Variants in POFUT3 observed in about 807,000 individuals in gnomAD.
POFUT3 encodes the protein GDP-fucose protein O-fucosyltransferase 3.
At chr8:33,449,087 A>G in the POFUT3 span, among the ~76,000 whole-genome samples, 5 of 152,158 alleles carry the variant, frequency 3.3e-5, no homozygotes, top group Admixed American at 2.6e-4. Flanking sequence ...AAGGTCATAC[A>G]GTATAAGACC....
the POFUT3 span, among the ~76,000 whole-genome samples, chr8:33,341,856 C>T: frequency 6.6e-6 from 1 of 152,026 alleles, no homozygotes; most frequent in Admixed American, 6.6e-5. Context: ...CCCAGGAGTT[C>T]AAGACCAGCC....
At chr8:33,436,372 T>A in the POFUT3 span, 1 of 1,376,712 alleles carries the variant, frequency 7.3e-7, no homozygotes, top group South Asian at 1.2e-5. Flanking sequence ...TCTTTCATGA[T>A]GTCACATTCA....
At chr8:33,422,057 C>A in the POFUT3 span, among the ~76,000 whole-genome samples, 3 of 151,366 alleles carry the variant, frequency 2.0e-5, no homozygotes, top group African/African-American at 4.9e-5. Flanking sequence ...CAAAAAAAAA[C>A]CCTGCTTTTC....
At chr8:33,335,919 G>T in the POFUT3 span, among the ~76,000 whole-genome samples, 1 of 152,094 alleles carries the variant, frequency 6.6e-6, no homozygotes, top group Admixed American at 6.6e-5. Flanking sequence ...GCTATATGGG[G>T]GTGGTAGAAG....
the POFUT3 span, among the ~76,000 whole-genome samples, chr8:33,377,089 G>A: frequency 0.021 from 3,216 of 152,186 alleles, 112 homozygotes; most frequent in African/African-American, 0.074. Context: ...CAAATTAGCT[G>A]GGCATGGTGG....
chr8:33,470,265 A>C, the POFUT3 span, among the ~76,000 whole-genome samples: 15 of 138,764 alleles, frequency 1.1e-4, no homozygotes, highest in Non-Finnish European at 2.2e-4. Context: ...AAAAAAAAAA[A>C]GTTAGCTGGG....
chr8:33,471,842 T>A, the POFUT3 span, among the ~76,000 whole-genome samples: 3 of 152,160 alleles, frequency 2.0e-5, no homozygotes, highest in Non-Finnish European at 4.4e-5. Context: ...CAAGAGTTAT[T>A]ACAGCAATTT....
the POFUT3 span, among the ~76,000 whole-genome samples, chr8:33,394,903 A>G: frequency 6.6e-6 from 1 of 152,240 alleles, no homozygotes; most frequent in Admixed American, 6.5e-5. Context: ...ACCCAGGTTC[A>G]TAAAGAGCAC....
the POFUT3 span, among the ~76,000 whole-genome samples, chr8:33,314,505 T>C: frequency 6.6e-6 from 1 of 152,182 alleles, no homozygotes; most frequent in Non-Finnish European, 1.5e-5. Flanking sequence ...CTGTTTCCCC[T>C]CTGTTAAATG....
the POFUT3 span, among the ~76,000 whole-genome samples, chr8:33,419,727 G>A: frequency 6.6e-6 from 1 of 152,132 alleles, no homozygotes; most frequent in Admixed American, 6.5e-5. Context: ...AAGGAGGATG[G>A]GGACTGCAGA....
At chr8:33,451,066 A>ATG in the POFUT3 span, among the ~76,000 whole-genome samples, 4,853 of 148,058 alleles carry the variant, frequency 0.033, 215 homozygotes, top group African/African-American at 0.1. Context: ...AAGGAGGTGT[A>ATG]TGTGTGTGTG....
At chr8:33,462,981 C>T in the POFUT3 span, among the ~76,000 whole-genome samples, 3 of 151,870 alleles carry the variant, frequency 2.0e-5, no homozygotes, top group Admixed American at 2.0e-4. Flanking sequence ...CCCTTTATCC[C>T]TATGATATTC....
the POFUT3 span, among the ~76,000 whole-genome samples, chr8:33,317,399 C>A: frequency 1.3e-5 from 2 of 151,902 alleles, no homozygotes; most frequent in Admixed American, 1.3e-4. Context: ...CTCAACGTTC[C>A]TTTCTGCTGA....
the POFUT3 span, among the ~76,000 whole-genome samples, chr8:33,446,441 G>A: frequency 6.5e-5 from 9 of 139,076 alleles, no homozygotes; most frequent in African/African-American, 2.3e-4. Flanking sequence ...TGGGTGACAA[G>A]GCAAGATCCT....
the POFUT3 span, among the ~76,000 whole-genome samples, chr8:33,355,559 G>C: frequency 6.6e-6 from 1 of 152,076 alleles, no homozygotes; most frequent in Non-Finnish European, 1.5e-5. Flanking sequence ...AACCAACTTG[G>C]GTTTGAAATT....
At chr8:33,339,639 T>C in the POFUT3 span, among the ~76,000 whole-genome samples, 4 of 152,132 alleles carry the variant, frequency 2.6e-5, no homozygotes, top group Non-Finnish European at 5.9e-5. Flanking sequence ...ATGATTAAAC[T>C]TCTTAAAACT....
At chr8:33,451,476 GTA>G in the POFUT3 span, among the ~76,000 whole-genome samples, 2 of 151,508 alleles carry the variant, frequency 1.3e-5, no homozygotes, top group South Asian at 4.2e-4. Flanking sequence ...ATATGTGTGT[GTA>G]TATGCATATA....
At chr8:33,388,826 C>T in the POFUT3 span, 1 of 720,610 alleles carries the variant, frequency 1.4e-6, no homozygotes, top group African/African-American at 1.8e-5. Flanking sequence ...GAATATTCAA[C>T]CTTCCTGCAA....
At chr8:33,435,967 T>C in the POFUT3 span, among the ~76,000 whole-genome samples, 1 of 151,962 alleles carries the variant, frequency 6.6e-6, no homozygotes, top group East Asian at 1.9e-4. Context: ...GCCACAGTCA[T>C]TCCCAAATCC....
Sources: gnomAD v4.1 joint callset for allele counts (sites outside exome capture counted in the v4.1 genomes callset) on GRCh38, gnomAD v4.1.1 for gene constraint, MANE v1.5 for transcripts, NCBI Gene and HGNC (gene_info 2026-07-23, HGNC 2026-07-21) for gene names.